Variants in MYH7 observed in about 807,000 individuals in gnomAD.
The protein encoded by MYH7 is myosin-7.
In MYH7, 129 loss-of-function variants were observed where a neutral mutation model predicts 225.4. That is an observed-to-expected ratio of 0.57 (90% CI 0.50 to 0.66). The LOEUF (loss-of-function observed/expected upper bound fraction) is 0.66, where lower values mean the gene tolerates loss of function less well. Among genes scored for constraint, MYH7 ranks in the 30% least tolerant of loss-of-function variants. MYH7 has a pLI of 0.00. For missense variants in MYH7, 1,649 were observed against 2,517.0 expected, an observed-to-expected ratio of 0.66 and a Z score of 7.38; for synonymous variants, 971 against 1,007.6, an observed-to-expected ratio of 0.96 and a Z score of 0.69.
intron 29 of MYH7, 147 bp from the exon 30 acceptor site, chr14:23,418,553 T>C: frequency 1.9e-6 from 2 of 1,036,252 alleles, no homozygotes; most frequent in Non-Finnish European, 1.4e-6. Flanking sequence ...GTTTACTGTT[T>C]GCTGATAACA....
rs146210693 is a variant in MYH7, at chr14:23,433,619, G to A, written c.114C>T (p.Phe38=). Residue 38 remains phenylalanine (F), a synonymous_variant, in exon 3 of 40, where the codon TTC becomes TTT. Coordinates refer to ENST00000355349, the MANE Select transcript of MYH7 (RefSeq NM_000257.4). The surrounding 1 kb of genome is among the most constrained non-coding windows in gnomAD (Gnocchi z 4.1). ...TRPFDLKKDV[F]VPDDKQEFVK... ...CAAACTCCTGTTTGTCATCAGGCAC[G>A]AAGACATCCTTCTTGAGGTCAAAAG... 1.3e-5 allele frequency: 21 copies of A among 1,614,118 alleles called. No homozygotes were observed. The African/African-American group carries it at 1.5e-4, about 11-fold the overall frequency.
chr14:23,414,988 G>A lies in MYH7; in HGVS notation c.5559+7C>T, dbSNP rs758428001. 44 of 1,605,530 alleles carry A rather than the reference G, an allele frequency of 2.7e-5. No individual in the cohort carries two copies. Among genetic ancestry groups the A allele is most frequent in the Middle Eastern group, 1.6e-4 (1 of 6,082 alleles). The stretch of plus-strand genomic sequence containing the variant: ...AGGGCTCTGCCTGGAGTCACCGCCC[G>A]TCGCACCTGGTAGGTGAGCTCCTTG... On this transcript the variant is annotated splice_region_variant and intron_variant, in intron 37 of 39. Transcript: ENST00000355349.
In MYH7 at chr14:23,429,366, T is replaced by C; in HGVS notation, c.1139-19A>G. The C allele has an allele frequency of 6.2e-7, 1 of 1,606,900 alleles. No homozygotes were observed. The highest frequency in any genetic ancestry group is 8.5e-7 in the Non-Finnish European group (1 of 1,173,516). ...TCAGCCTCTGGAAGGAAAAGGCAAG[T>C]AGCAAAGTTGGTAAAGAGATGACTG... On this transcript the variant is annotated intron_variant, in intron 12 of 39. Coordinates refer to ENST00000355349, the MANE Select transcript of MYH7 (RefSeq NM_000257.4).
rs1361823514 is a variant in MYH7, at chr14:23,416,849, G to A, written c.4644+19C>T. The A allele has an allele frequency of 1.2e-6, 2 of 1,613,952 alleles. No homozygotes were observed. Among genetic ancestry groups the A allele is most frequent in the African/African-American group, 1.3e-5 (1 of 74,938 alleles). On this transcript the variant is annotated intron_variant, in intron 33 of 39. Transcript: ENST00000355349. The stretch of plus-strand genomic sequence containing the variant: ...TGGAGCTCAGCTCCCTGCACCCCGT[G>A]CCCTGCACACACACACACCTCGGCC...
Position 23,433,313 on chromosome 14 carries a change from C to A in MYH7, c.202-86G>T, listed in dbSNP as rs1032634547. ...GGTTAGGAGTTGGTGAGTGACAGGG[C>A]AATAGTGCTCAAGAGAGAAGGAACC... On this transcript the variant is annotated intron_variant, in intron 3 of 39. Transcript: ENST00000355349. The surrounding 1 kb of genome is among the most constrained non-coding windows in gnomAD (Gnocchi z 4.1). 1 of 1,586,504 alleles carries A rather than the reference C, an allele frequency of 6.3e-7. No homozygotes were observed. Among genetic ancestry groups the A allele is most frequent in the African/African-American group, 1.3e-5 (1 of 74,342 alleles).
chr14:23,422,465 G>A, intron 24 of MYH7, 140 bp from the exon 25 acceptor site: 1 of 1,108,354 alleles, frequency 9.0e-7, no homozygotes, highest in Middle Eastern at 2.3e-4. Flanking sequence ...AATGTTATTA[G>A]GGGACTGTGA....
intron 26 of MYH7, 91 bp downstream of exon 26, chr14:23,420,867 A>G (rs1892445143): frequency 1.1e-6 from 1 of 948,500 alleles, no homozygotes. Flanking sequence ...CAGTTCCTGT[A>G]ATGCTGTGAA....
chr14:23,421,018 T>C lies in MYH7; in HGVS notation c.3276A>G (p.Ala1092=), dbSNP rs1185075583. The part of the protein sequence containing the change: ...KKDFELNALN[A]RIEDEQALGS... ...CGAGGGCCTGTTCATCCTCAATCCT[T>C]GCGTTGAGAGCATTCAGCTCAAAGT... is the stretch of plus-strand genomic sequence containing the variant. The change falls in exon 26 of 40, where the codon GCA becomes GCG. Residue 1092 remains alanine (A), a synonymous_variant. Transcript: ENST00000355349. 3 of 1,612,900 alleles carry C rather than the reference T, an allele frequency of 1.9e-6. No homozygotes were observed. The highest frequency in any genetic ancestry group is 2.0e-4 in the Middle Eastern group (1 of 5,074).
intron 23 of MYH7, 67 bp downstream of exon 23, chr14:23,423,840 G>C (rs886112987): frequency 2.4e-5 from 38 of 1,613,440 alleles, no homozygotes; most frequent in Middle Eastern, 3.3e-4. Context: ...GCTAGCCTGG[G>C]TCAAGGTCAG....
chr14:23,430,640 G>C lies in MYH7; in HGVS notation c.919C>G (p.Pro307Ala). 4 of 1,614,078 alleles carry C rather than the reference G, an allele frequency of 2.5e-6. No individual in the cohort carries two copies. Among genetic ancestry groups the C allele is most frequent in the Non-Finnish European group, 3.4e-6 (4 of 1,179,948 alleles). The change falls in exon 11 of 40, where the codon CCC becomes GCC. Residue 307 changes from proline to alanine, a missense_variant. Pro to Ala is a conservative substitution (Grantham distance 27). Coordinates refer to ENST00000355349, the MANE Select transcript of MYH7 (RefSeq NM_000257.4). Reference sequence around the variant, plus strand: ...TGGGAGATGAATGCATAATCGTAGGGGTTGTTGGTGATCAGCAGCATGTCT... The same window carrying C: ...TGGGAGATGAATGCATAATCGTAGGCGTTGTTGGTGATCAGCAGCATGTCT... ...LLDMLLITNN[P>A]YDYAFISQGE...
intron 33 of MYH7, among the ~76,000 whole-genome samples, 172 bp from the exon 34 acceptor site, chr14:23,416,484 A>C (rs549370893): frequency 3.9e-5 from 6 of 152,316 alleles, no homozygotes; most frequent in African/African-American, 1.4e-4. Flanking sequence ...TAAGCCTAAG[A>C]GAAAGTGATT....
chr14:23,415,370 G>T lies in MYH7; in HGVS notation c.5283+11C>A. ...CTGGTCTGGATCGGGTCGGTGGAGT[G>T]GGGGACTTACATCCGTGATGGCCTT... On this transcript the variant is annotated intron_variant, in intron 36 of 39. Transcript: ENST00000355349. The surrounding 1 kb of genome is among the most constrained non-coding windows in gnomAD (Gnocchi z 6.3). 1.2e-6 allele frequency: 2 copies of T among 1,614,186 alleles called. No homozygotes were observed.
chr14:23,415,399 G>T lies in MYH7; in HGVS notation c.5265C>A (p.Ala1755=), dbSNP rs2138639281. The part of the protein sequence containing the change: ...VQECRNAEEK[A]KKAITDAAMM... ...GACTTACATCCGTGATGGCCTTCTT[G>T]GCCTTCTCCTCAGCATTCCTGCACT... The change falls in exon 36 of 40, where the codon GCC becomes GCA. Residue 1755 remains alanine (A), a synonymous_variant. Transcript: ENST00000355349. The surrounding 1 kb of genome is among the most constrained non-coding windows in gnomAD (Gnocchi z 6.3). The T allele has an allele frequency of 3.1e-6, 5 of 1,614,180 alleles. No homozygotes were observed. In the South Asian group the frequency reaches 4.4e-5, roughly 14 times the overall value.
chr14:23,424,007 C>A lies in MYH7; in HGVS notation c.2822G>T (p.Arg941Leu). 6.2e-7 allele frequency: 1 copy of A among 1,614,244 alleles called. No homozygotes were observed. The change falls in exon 23 of 40, where the codon CGC becomes CTC. Residue 941 changes from arginine to leucine, a missense_variant. By Grantham distance (102) the Arg-to-Leu change is moderately radical. This residue lies in a region of MYH7 where 282 missense variants were observed against 315.3 expected (regional missense o/e 0.89). Transcript: ENST00000355349. ...CTCTGAGCACTCATCTTCCAGCTTG[C>A]GCTTCTTGGCAGTGAGCTCAGCATT... ...EMNAELTAKKRKLEDECSELK... is the reference protein window; with the variant it reads ...EMNAELTAKKLKLEDECSELK...
chr14:23,430,856 G>A, intron 10 of MYH7, 45 bp downstream of exon 10: 2 of 1,469,470 alleles, frequency 1.4e-6, no homozygotes, highest in Non-Finnish European at 1.9e-6. Flanking sequence ...GAGGGGACCA[G>A]GTTGCCATGG....
In MYH7 at chr14:23,425,958, A is replaced by G. The variant is rs754902338; in HGVS notation, c.2162+6T>C. The G allele has an allele frequency of 1.2e-6, 2 of 1,613,432 alleles. No individual in the cohort carries two copies. The highest frequency in any genetic ancestry group is 1.7e-5 in the Admixed American group (1 of 60,030). ...TCTATGAGCTCTGGTGCACCCTCAT[A>G]CCCACCTCTGCCGGAAGTCCCCGTA... On this transcript the variant is annotated splice_donor_region_variant and intron_variant, in intron 19 of 39. Coordinates refer to ENST00000355349, the MANE Select transcript of MYH7 (RefSeq NM_000257.4). The surrounding 1 kb of genome is among the most constrained non-coding windows in gnomAD (Gnocchi z 4.6).
chr14:23,418,835 T>C (rs185582389), intron 29 of MYH7, among the ~76,000 whole-genome samples: 4 of 152,312 alleles, frequency 2.6e-5, no homozygotes, highest in African/African-American at 9.6e-5. Flanking sequence ...CCAGTTGAAT[T>C]TCTTTCTCCA....
Position 23,434,221 on chromosome 14 carries a change from G to A in MYH7, c.-36C>T, listed in dbSNP as rs45497293. The A allele has an allele frequency of 7.5e-3, 7,728 of 1,027,776 alleles. 59 individuals carry two copies. Among genetic ancestry groups the A allele is most frequent in the Non-Finnish European group, 7.5e-3 (6,370 of 854,684 alleles). 63.7% of individuals were successfully genotyped at this position (1,027,776 alleles called of 1,614,324 possible). On this transcript the variant is annotated 5_prime_UTR_variant, in exon 2 of 40. Coordinates refer to ENST00000355349, the MANE Select transcript of MYH7 (RefSeq NM_000257.4). ...GGGCTACTCAAGTGTGTCTACAGAT[G>A]AGGAAAGGGGCCAAGGCCTGCAGGG...
chr14:23,433,597 A>G lies in MYH7; in HGVS notation c.136T>C (p.Phe46Leu), dbSNP rs1893036458. Residue 46 changes from phenylalanine to leucine, a missense_variant, in exon 3 of 40, where the codon TTT (phenylalanine) becomes CTT (leucine). Phe to Leu is a conservative substitution (Grantham distance 22). This residue lies in a region of MYH7 where 91 missense variants were observed against 96.5 expected (regional missense o/e 0.94). Transcript: ENST00000355349. The surrounding 1 kb of genome is among the most constrained non-coding windows in gnomAD (Gnocchi z 4.1). ...CGAGACACGATCTTGGCCTTGACAA[A>G]CTCCTGTTTGTCATCAGGCACGAAG... ...DVFVPDDKQE[F>L]VKAKIVSREG... is the part of the protein sequence containing the mutation. The G allele has an allele frequency of 6.2e-7, 1 of 1,613,570 alleles. No homozygotes were observed. The highest frequency in any genetic ancestry group is 8.5e-7 in the Non-Finnish European group (1 of 1,179,842).
Sources: gnomAD v4.1 joint callset for allele counts (sites outside exome capture counted in the v4.1 genomes callset) on GRCh38, gnomAD v4.1.1 for gene constraint, gnomAD v4.1.1 regional missense constraint, Gnocchi (gnomAD v3.1) non-coding constraint, MANE v1.5 for transcripts, NCBI Gene and HGNC (gene_info 2026-07-23, HGNC 2026-07-21) for gene names.